The following KDM2B variants were observed in gnomAD, a reference collection of about 807,000 sequenced individuals.
KDM2B encodes the protein lysine-specific demethylase 2B.
Under a neutral mutation model 150.0 loss-of-function variants are expected in KDM2B, and 26 were observed. That is an observed-to-expected ratio of 0.17 (90% CI 0.13 to 0.24). KDM2B has a LOEUF of 0.24. Ranked by LOEUF, KDM2B falls within the 10% of genes least tolerant of loss-of-function variation. The pLI is 1.00. For missense variants in KDM2B, 1,265 were observed against 1,816.9 expected (o/e 0.70, Z 5.52); for synonymous variants, 734 against 729.5 (o/e 1.01, Z -0.10).
At chr12:121,502,980 G>GT (rs782050310) in intron 11 of KDM2B, among the ~76,000 whole-genome samples, 6,331 of 129,536 alleles carry the variant, frequency 0.049, 336 homozygotes, top group African/African-American at 0.17. Flanking sequence ...TTTTTTGTGG[G>GT]TTTTTTTTTT....
chr12:121,438,379 C>T (rs1874366470), intron 22 of KDM2B, among the ~76,000 whole-genome samples: 1 of 152,152 alleles, frequency 6.6e-6, no homozygotes, highest in Admixed American at 6.5e-5. Flanking sequence ...ATGGCCCACA[C>T]CGCAGGGGAG....
chr12:121,423,695 T>C, the KDM2B span: 1 of 858,394 alleles, frequency 1.2e-6, no homozygotes, highest in African/African-American at 1.7e-5. The surrounding 1 kb of genome is among the most constrained non-coding windows in gnomAD (Gnocchi z 4.3). Flanking sequence ...TTATTTTGAC[T>C]ACTAAGTGGG....
chr12:121,567,501 G>A (rs782268553), intron 4 of KDM2B, among the ~76,000 whole-genome samples: 68 of 152,150 alleles, frequency 4.5e-4, no homozygotes, highest in Non-Finnish European at 8.2e-4. Flanking sequence ...TTGAGCCCAG[G>A]AGTCTGAGAA....
At chr12:121,567,641 A>C (rs1890801594) in intron 4 of KDM2B, among the ~76,000 whole-genome samples, 1 of 152,110 alleles carries the variant, frequency 6.6e-6, no homozygotes. Flanking sequence ...ACCTTCAAAT[A>C]AACCACAGCT....
At chr12:121,525,707 T>C (rs1279588917) in intron 8 of KDM2B, among the ~76,000 whole-genome samples, 3 of 152,106 alleles carry the variant, frequency 2.0e-5, no homozygotes, top group Non-Finnish European at 2.9e-5. Context: ...TTAGACCCAT[T>C]TGATAGATGG....
At chr12:121,539,896 C>A (rs1319010590) in intron 6 of KDM2B, among the ~76,000 whole-genome samples, 1 of 152,092 alleles carries the variant, frequency 6.6e-6, no homozygotes, top group Non-Finnish European at 1.5e-5. Flanking sequence ...CACACCACTA[C>A]ACCCGGCTGA....
intron 2 of KDM2B, among the ~76,000 whole-genome samples, chr12:121,577,694 G>C (rs1555317061): frequency 1.3e-5 from 2 of 152,180 alleles, no homozygotes; most frequent in Non-Finnish European, 2.9e-5. Context: ...CAAGGGGCGT[G>C]GGGGGAACAA....
chr12:121,464,208 G>A (rs915113685), intron 12 of KDM2B, among the ~76,000 whole-genome samples: 1 of 152,246 alleles, frequency 6.6e-6, no homozygotes, highest in Admixed American at 6.5e-5. Context: ...ACTCCAGCCT[G>A]CGTGACAGAG....
At chr12:121,532,411 C>G (rs1202768647) in intron 8 of KDM2B, among the ~76,000 whole-genome samples, 1 of 152,160 alleles carries the variant, frequency 6.6e-6, no homozygotes, top group African/African-American at 2.4e-5. Flanking sequence ...AATAGAGGCA[C>G]GAAGAAGTGA....
At chr12:121,504,977 C>T (rs1274144776) in intron 11 of KDM2B, among the ~76,000 whole-genome samples, 9 of 151,810 alleles carry the variant, frequency 5.9e-5, no homozygotes, top group Non-Finnish European at 4.4e-5. Flanking sequence ...ATTAGCTGGG[C>T]GTTGTGGCAG....
In KDM2B at chr12:121,464,699, A is replaced by G. The variant is rs533960644; in HGVS notation, c.1735-11355T>C. 5.3e-5 allele frequency among the ~76,000 whole-genome samples: 8 copies of G among 152,312 alleles called. No individual in the cohort carries two copies. The East Asian group carries it at 1.5e-3, about 29-fold the overall frequency. Reference sequence around the variant, plus strand: ...GGGTCCTTTCATCCAGCAGGTGGGCAAGTCTACTTGTTCATCCACACTCCA... The same window carrying G: ...GGGTCCTTTCATCCAGCAGGTGGGCGAGTCTACTTGTTCATCCACACTCCA... On this transcript the variant is annotated intron_variant, in intron 12 of 22. Transcript: ENST00000377071.
At chr12:121,455,098 G>A (rs917946854) in intron 12 of KDM2B, among the ~76,000 whole-genome samples, 5 of 152,072 alleles carry the variant, frequency 3.3e-5, no homozygotes, top group Admixed American at 6.5e-5. Flanking sequence ...CCCTCCCTCC[G>A]ATTCACCTTC....
rs59962433 is a variant in KDM2B at position 121,565,685 on chromosome 12, C to T, written c.397+8862G>A. Among the ~76,000 whole-genome samples, 308 of 152,066 alleles carry T rather than the reference C, an allele frequency of 2.0e-3. 2 individuals carry two copies. Among genetic ancestry groups the T allele is most frequent in the African/African-American group, 6.7e-3 (277 of 41,492 alleles). ...TGTTGCCCAGGCTGGAGTGCAGTGG[C>T]GCAATCTTGGCTCACTGCAACCTCC... is the stretch of plus-strand genomic sequence containing the variant. On this transcript the variant is annotated intron_variant, in intron 4 of 22. Coordinates refer to ENST00000377071, the MANE Select transcript of KDM2B (RefSeq NM_032590.5).
At chr12:121,570,063 T>G (rs998575537) in intron 4 of KDM2B, among the ~76,000 whole-genome samples, 2 of 152,062 alleles carry the variant, frequency 1.3e-5, no homozygotes, top group African/African-American at 2.4e-5. Context: ...TGTTTTGTTT[T>G]GTTTGAGACA....
chr12:121,491,987 T>C (rs1212684721), intron 12 of KDM2B, among the ~76,000 whole-genome samples: 2 of 152,014 alleles, frequency 1.3e-5, no homozygotes, highest in East Asian at 3.9e-4. Flanking sequence ...CAAAACCTCA[T>C]CTCTACCAAA....
chr12:121,566,068 C>T (rs553686344), intron 4 of KDM2B, among the ~76,000 whole-genome samples: 3 of 152,180 alleles, frequency 2.0e-5, no homozygotes, highest in African/African-American at 4.8e-5. Context: ...AAAATATAAT[C>T]GTTCAAACAA....
At chr12:121,477,579 CT>C (rs35681515) in intron 12 of KDM2B, among the ~76,000 whole-genome samples, 88 of 134,720 alleles carry the variant, frequency 6.5e-4, no homozygotes, top group Non-Finnish European at 8.8e-4. Flanking sequence ...TTTGTCTTTC[CT>C]TTTTTTTTTT....
intron 17 of KDM2B, 197 bp from the exon 18 acceptor site, chr12:121,443,227 TAGG>T: frequency 1.6e-6 from 1 of 618,932 alleles, no homozygotes; most frequent in South Asian, 1.9e-5. Flanking sequence ...AAGCTGGAAG[TAGG>T]AGTACAGTTG....
intron 4 of KDM2B, among the ~76,000 whole-genome samples, chr12:121,553,893 T>C (rs939670363): frequency 1.3e-5 from 2 of 152,102 alleles, no homozygotes; most frequent in Non-Finnish European, 2.9e-5. Context: ...GTGAATATAC[T>C]GAAAACAAGT....
Sources: gnomAD v4.1 joint callset for allele counts (sites outside exome capture counted in the v4.1 genomes callset) on GRCh38, gnomAD v4.1.1 for gene constraint, Gnocchi (gnomAD v3.1) non-coding constraint, MANE v1.5 for transcripts, NCBI Gene and HGNC (gene_info 2026-07-23, HGNC 2026-07-21) for gene names.